Variants in SMIM7 observed in about 807,000 individuals in gnomAD.
SMIM7 encodes UPF0608 protein C19orf42.
Under a neutral mutation model 13.3 loss-of-function variants are expected in SMIM7, and 12 were observed. That is an observed-to-expected ratio of 0.90 (90% confidence interval 0.58 to 1.46). SMIM7 has a LOEUF of 1.46. SMIM7 is among the 40% of genes most tolerant of loss of function. The pLI is 0.00. For synonymous variants in SMIM7, 36 were observed against 35.8 expected (o/e 1.01, Z -0.02); for missense variants, 114 against 94.8 (o/e 1.20, Z -0.84).
At chr19:16,635,899 AATATAT>A (rs1170352437) in intron 4 of SMIM7, among the ~76,000 whole-genome samples, 6 of 109,582 alleles carry the variant, frequency 5.5e-5, no homozygotes, top group East Asian at 4.7e-4. Flanking sequence ...AAAAAAAAAA[AATATAT>A]ATATATATAT....
downstream of SMIM7, among the ~76,000 whole-genome samples, chr19:16,644,127 T>TTG (rs1165892364): frequency 6.8e-6 from 1 of 147,236 alleles, no homozygotes; most frequent in African/African-American, 2.5e-5. Context: ...CGTTTTTTTT[T>TTG]TTTTTTTTTT....
At chr19:16,656,644 AT>A (rs2086600639) in intron 3 of SMIM7, among the ~76,000 whole-genome samples, 1 of 152,060 alleles carries the variant, frequency 6.6e-6, no homozygotes, top group African/African-American at 2.4e-5. Context: ...CAAGTCTGTA[AT>A]CCCAGCACTT....
chr19:16,651,162 T>C (rs150242104), intron 4 of SMIM7, among the ~76,000 whole-genome samples: 2 of 152,312 alleles, frequency 1.3e-5, no homozygotes, highest in Non-Finnish European at 2.9e-5. Flanking sequence ...CTTGAGAGAA[T>C]CTTCTCTCAC....
At chr19:16,635,895 A>AT (rs1225099534) in intron 4 of SMIM7, among the ~76,000 whole-genome samples, 14 of 132,572 alleles carry the variant, frequency 1.1e-4, no homozygotes, top group African/African-American at 4.1e-4. Context: ...AAAAAAAAAA[A>AT]AAAAATATAT....
At chr19:16,653,206 A>G (rs2086551230) in intron 4 of SMIM7, among the ~76,000 whole-genome samples, 1 of 152,162 alleles carries the variant, frequency 6.6e-6, no homozygotes, top group African/African-American at 2.4e-5. Flanking sequence ...TGTTCCAATA[A>G]AAGTTCCAGC....
chr19:16,659,309 A>T, intron 3 of SMIM7, 86 bp downstream of exon 3: 1 of 1,175,022 alleles, frequency 8.5e-7, no homozygotes, highest in Non-Finnish European at 1.2e-6. Flanking sequence ...AAAAAAGAGA[A>T]AGAAAGAAAA....
intron 3 of SMIM7, 42 bp from the exon 4 acceptor site, chr19:16,654,167 C>T: frequency 1.3e-6 from 2 of 1,534,370 alleles, no homozygotes; most frequent in Non-Finnish European, 1.8e-6. Context: ...AGCTAACATC[C>T]CATCCCTACT....
chr19:16,651,851 A>G (rs143815897), intron 4 of SMIM7, among the ~76,000 whole-genome samples: 12,063 of 143,514 alleles, frequency 0.084, 732 homozygotes, highest in African/African-American at 0.16. Context: ...ACCTTTGCAA[A>G]GATGAGAATG....
At chr19:16,652,827 G>A (rs1239506440) in intron 4 of SMIM7, 2 of 1,548,970 alleles carry the variant, frequency 1.3e-6, no homozygotes, top group Non-Finnish European at 1.7e-6. Context: ...ACCCACAGAG[G>A]CCAAGAACAC....
chr19:16,659,850 G>T, intron 2 of SMIM7, 109 bp downstream of exon 2: 1 of 1,433,676 alleles, frequency 7.0e-7, no homozygotes, highest in Non-Finnish European at 9.5e-7. Context: ...GGATAGGGCG[G>T]GGCCTGCGGC....
At chr19:16,637,527 T>TA (rs2086368565) in intron 4 of SMIM7, among the ~76,000 whole-genome samples, 1 of 152,130 alleles carries the variant, frequency 6.6e-6, no homozygotes, top group Non-Finnish European at 1.5e-5. Context: ...TGTAGGCCCT[T>TA]AGCCTGTACC....
intron 4 of SMIM7, chr19:16,652,684 C>T: frequency 2.1e-6 from 3 of 1,420,758 alleles, no homozygotes; most frequent in Non-Finnish European, 2.7e-6. Context: ...TCTCCTATGT[C>T]CTGGAAGCAT....
chr19:16,657,774 T>C (rs1413181030), intron 3 of SMIM7, among the ~76,000 whole-genome samples: 1 of 152,200 alleles, frequency 6.6e-6, no homozygotes, highest in Non-Finnish European at 1.5e-5. Flanking sequence ...CTCATGCCTG[T>C]GATCCCAGCA....
intron 4 of SMIM7, among the ~76,000 whole-genome samples, chr19:16,650,393 C>A (rs1242173303): frequency 6.6e-6 from 1 of 152,188 alleles, no homozygotes; most frequent in African/African-American, 2.4e-5. Context: ...CTTAAACTTT[C>A]CAAAGCTCAA....
At position 16,659,454 on chromosome 19, in the gene SMIM7, AGAG is replaced by A. The variant is rs774170037; in HGVS notation, c.69-10_69-8del. 24 of 1,612,322 alleles carry A rather than the reference AGAG, an allele frequency of 1.5e-5. No individual in the cohort carries two copies. The Admixed American group carries it at 4.0e-4, about 27-fold the overall frequency. ...CTGCGTGTCCTTCTTTTTCCTACAA[AGAG>A]GAGCAGACAGTGTCCACTTTCAATG... On this transcript the variant is annotated splice_region_variant and splice_polypyrimidine_tract_variant and intron_variant, in intron 2 of 4. Coordinates refer to ENST00000487416, the MANE Select transcript of SMIM7 (RefSeq NM_024104.4).
At chr19:16,652,394 G>A in intron 4 of SMIM7, 1 of 269,980 alleles carries the variant, frequency 3.7e-6, no homozygotes, top group Non-Finnish European at 5.7e-6. Context: ...TAAAGACAGG[G>A]TTTCACCATG....
downstream of SMIM7, among the ~76,000 whole-genome samples, chr19:16,643,587 G>C (rs910468462): frequency 6.6e-6 from 1 of 152,062 alleles, no homozygotes; most frequent in African/African-American, 2.4e-5. Context: ...AGTAGAGATA[G>C]GGTTTCACCA....
chr19:16,653,665 G>T, intron 4 of SMIM7: 1 of 220,690 alleles, frequency 4.5e-6, no homozygotes, highest in South Asian at 9.7e-5. Flanking sequence ...GGAGCCCAAG[G>T]TGGACGAATC....
At chr19:16,650,796 G>A (rs946571273) in intron 4 of SMIM7, among the ~76,000 whole-genome samples, 3 of 151,984 alleles carry the variant, frequency 2.0e-5, no homozygotes, top group Non-Finnish European at 4.4e-5. Context: ...CTGCCACAGG[G>A]TCACCTCTCT....
Sources: allele counts gnomAD v4.1 joint callset (sites outside exome capture counted in the v4.1 genomes callset), GRCh38; gene constraint gnomAD v4.1.1; transcripts MANE v1.5; gene names NCBI Gene and HGNC (gene_info 2026-07-23, HGNC 2026-07-21).